Variants in KCNQ5 observed in about 807,000 individuals in gnomAD.
KCNQ5 encodes the protein potassium voltage-gated channel subfamily Q member 5, also known as potassium voltage-gated channel subfamily KQT member 5.
KCNQ5 carries 30 observed loss-of-function variants against 98.2 expected under a neutral mutation model. The observed-to-expected ratio is 0.31, with a 90% confidence interval of 0.23 to 0.41. KCNQ5 has a LOEUF of 0.41. Among genes scored for constraint, KCNQ5 ranks in the 10% least tolerant of loss-of-function variants. The pLI, the probability that KCNQ5 is intolerant of heterozygous loss-of-function variation, is 1.00. For missense variants in KCNQ5, 835 were observed against 1,182.5 expected (o/e 0.71, Z 4.31); for synonymous variants, 458 against 449.4 (o/e 1.02, Z -0.24).
At chr6:72,841,744 T>C (rs1392655621) in intron 1 of KCNQ5, among the ~76,000 whole-genome samples, 3 of 152,184 alleles carry the variant, frequency 2.0e-5, no homozygotes, top group African/African-American at 7.2e-5. Flanking sequence ...CATTTGGATA[T>C]GTAATCCTAA....
At chr6:72,764,387 G>T (rs1360456378) in intron 1 of KCNQ5, among the ~76,000 whole-genome samples, 10 of 151,988 alleles carry the variant, frequency 6.6e-5, no homozygotes, top group African/African-American at 2.4e-4. Context: ...TCTGCTATGT[G>T]CTGGCTACTA....
intron 1 of KCNQ5, among the ~76,000 whole-genome samples, chr6:72,879,812 TG>T (rs1404063063): frequency 5.3e-5 from 8 of 152,282 alleles, no homozygotes; most frequent in African/African-American, 1.9e-4. Flanking sequence ...CAGTGGCCAC[TG>T]TTCCAATATC....
chr6:72,675,045 TA>T (rs536694875), intron 1 of KCNQ5, among the ~76,000 whole-genome samples: 98 of 152,368 alleles, frequency 6.4e-4, no homozygotes, highest in African/African-American at 2.3e-3. Flanking sequence ...TTTCATTACG[TA>T]AGGCACTGTA....
intron 2 of KCNQ5, among the ~76,000 whole-genome samples, chr6:73,016,019 G>A (rs1398179064): frequency 1.3e-5 from 2 of 152,072 alleles, no homozygotes; most frequent in East Asian, 3.9e-4. Context: ...TGAGGAGATA[G>A]CAATGAACAA....
intron 1 of KCNQ5, among the ~76,000 whole-genome samples, chr6:72,647,727 C>T (rs188603272): frequency 6.6e-5 from 10 of 152,238 alleles, no homozygotes; most frequent in South Asian, 2.1e-4. Flanking sequence ...TTATGTATTG[C>T]GCCATAATGA....
chr6:73,184,735 C>T (rs62411387), intron 11 of KCNQ5, among the ~76,000 whole-genome samples: 54 of 152,318 alleles, frequency 3.5e-4, no homozygotes, highest in Admixed American at 2.5e-3. Flanking sequence ...TCCTAGAGCA[C>T]TTGGTGCTTG....
At chr6:72,888,009 T>C (rs890246422) in intron 1 of KCNQ5, among the ~76,000 whole-genome samples, 16 of 152,060 alleles carry the variant, frequency 1.1e-4, no homozygotes, top group Non-Finnish European at 1.6e-4. Flanking sequence ...AAAAATAAAA[T>C]TGTGAGAAAA....
intron 1 of KCNQ5, among the ~76,000 whole-genome samples, chr6:72,899,194 A>C (rs1169956931): frequency 6.6e-6 from 1 of 152,168 alleles, no homozygotes. Flanking sequence ...AGATAATTTC[A>C]TGGCCTGATA....
intron 1 of KCNQ5, among the ~76,000 whole-genome samples, chr6:72,851,429 C>T (rs1426736573): frequency 6.6e-6 from 1 of 152,140 alleles, no homozygotes; most frequent in Non-Finnish European, 1.5e-5. Flanking sequence ...AACAAAGACT[C>T]CCATTATCTA....
chr6:73,179,393 C>T (rs1327111805), intron 11 of KCNQ5, among the ~76,000 whole-genome samples: 6 of 152,156 alleles, frequency 3.9e-5, no homozygotes, highest in Non-Finnish European at 8.8e-5. Flanking sequence ...ACCAGTTCCT[C>T]TCTCATGATA....
chr6:72,683,757 TA>T (rs139944317), intron 1 of KCNQ5, among the ~76,000 whole-genome samples: 5,650 of 144,266 alleles, frequency 0.039, 167 homozygotes, highest in African/African-American at 0.091. Context: ...TTTGGTGTGG[TA>T]AAAAAAAAAA....
At chr6:72,740,418 A>G (rs1360538411) in intron 1 of KCNQ5, among the ~76,000 whole-genome samples, 1 of 152,142 alleles carries the variant, frequency 6.6e-6, no homozygotes, top group East Asian at 1.9e-4. Context: ...GTGAGTAACT[A>G]AAATTCTCTG....
At chr6:72,727,383 T>G (rs1393017892) in intron 1 of KCNQ5, among the ~76,000 whole-genome samples, 1 of 152,256 alleles carries the variant, frequency 6.6e-6, no homozygotes, top group Non-Finnish European at 1.5e-5. Context: ...TCTTATAATA[T>G]CTAAACATTA....
In KCNQ5 at chr6:73,125,197, T is replaced by C. The variant is rs185504668; in HGVS notation, c.1247+685T>C. On this transcript the variant is annotated intron_variant, in intron 9 of 13. Coordinates refer to ENST00000370398, the MANE Select transcript of KCNQ5 (RefSeq NM_019842.4). ...GGAAGAAGACAACCCTCCCAAAAAT[T>C]CCCCAAATAATTTATTATCAGTTTC... Among the ~76,000 whole-genome samples the C allele has an allele frequency of 8.1e-4, 123 of 151,412 alleles. No individual in the cohort carries two copies. In the East Asian group the frequency reaches 0.019, roughly 24 times the overall value.
Position 73,012,788 on chromosome 6 carries a change from C to T in KCNQ5, c.489+8790C>T, listed in dbSNP as rs140671366. 8.8e-4 allele frequency among the ~76,000 whole-genome samples: 133 copies of T among 151,884 alleles called. No individual in the cohort carries two copies. The East Asian group carries it at 0.014, about 16-fold the overall frequency. On this transcript the variant is annotated intron_variant, in intron 2 of 13. Transcript: ENST00000370398. ...GCACACATTTACCTATGTAACAAAC[C>T]TGCACATCCTGCACGTGTACCCCGG... is the stretch of plus-strand genomic sequence containing the variant.
At chr6:72,698,110 C>T (rs571097706) in intron 1 of KCNQ5, among the ~76,000 whole-genome samples, 76 of 152,288 alleles carry the variant, frequency 5.0e-4, no homozygotes, top group African/African-American at 1.7e-3. Flanking sequence ...TTGATTTCTA[C>T]TCAAGTAATC....
chr6:73,102,082 G>T (rs1470692708), intron 5 of KCNQ5, among the ~76,000 whole-genome samples: 2 of 152,060 alleles, frequency 1.3e-5, no homozygotes, highest in African/African-American at 4.8e-5. Context: ...AGAGAAACCA[G>T]AAACAAATCC....
chr6:73,023,899 A>C (rs1317325490), intron 2 of KCNQ5, among the ~76,000 whole-genome samples: 2 of 152,230 alleles, frequency 1.3e-5, no homozygotes, highest in African/African-American at 2.4e-5. Flanking sequence ...AGAAATCTTT[A>C]GGGTAATTGC....
intron 6 of KCNQ5, among the ~76,000 whole-genome samples, chr6:73,110,725 C>G (rs1775208257): frequency 6.6e-6 from 1 of 152,234 alleles, no homozygotes; most frequent in Non-Finnish European, 1.5e-5. Context: ...AGTAGGTGTA[C>G]AGTTATAACA....
Sources: gnomAD v4.1 joint callset for allele counts (sites outside exome capture counted in the v4.1 genomes callset) on GRCh38, gnomAD v4.1.1 for gene constraint, MANE v1.5 for transcripts, NCBI Gene and HGNC (gene_info 2026-07-23, HGNC 2026-07-21) for gene names.